GABRA2: variants seen among roughly 807,000 people sequenced by gnomAD.
GABRA2 encodes gamma-aminobutyric acid receptor subunit alpha-2.
GABRA2 carries 16 observed loss-of-function variants against 48.7 expected under a neutral mutation model. The ratio of observed to expected loss-of-function variants is 0.33; its 90% CI spans 0.22 to 0.50. The LOEUF is 0.50. Among genes scored for constraint, GABRA2 ranks in the 20% least tolerant of loss-of-function variants. The pLI, the probability that GABRA2 is intolerant of heterozygous loss-of-function variation, is 0.98. For synonymous variants in GABRA2, 185 were observed against 184.5 expected, an observed-to-expected ratio of 1.00 and a Z score of -0.02; for missense variants, 275 against 535.6, an observed-to-expected ratio of 0.51 and a Z score of 4.80.
rs1301665137 is a variant in GABRA2, at chr4:46,248,664, T to A, written c.*1644A>T. 1 of 151,476 alleles carries A rather than the reference T, an allele frequency of 6.6e-6. No homozygotes were observed. The highest frequency in any genetic ancestry group is 1.5e-5 in the Non-Finnish European group (1 of 67,628). The allele number at this position is 151,476 out of a possible 1,614,324, so 9.4% of individuals were successfully genotyped here. ...AAAGGAATAGCAATTTTTGCTGATA[T>A]TTTGCTTATTTCCATAGATACTCCT... On this transcript the variant is annotated 3_prime_UTR_variant, in exon 10 of 10. Transcript: ENST00000381620.
At position 46,250,348 on chromosome 4, in the gene GABRA2, G is replaced by A. The variant is rs1425089797; in HGVS notation, c.1316C>T (p.Thr439Ile). 6.2e-7 allele frequency: 1 copy of A among 1,611,110 alleles called. No individual in the cohort carries two copies. ...TAATACAGGTTCTCTGTTTAAATAT[G>A]TAGCCCAGTAAACTAAATTAAAGGT... ...FGTFNLVYWATYLNREPVLGV... is the reference protein window; with the variant it reads ...FGTFNLVYWAIYLNREPVLGV... Residue 439 changes from threonine (T) to isoleucine (I), a missense_variant, in exon 10 of 10, where the codon ACA becomes ATA. Physicochemically the swap from Thr to Ile is moderately conservative, Grantham distance 89 (BLOSUM62 -1). Around this residue, in one of 4 missense-constraint regions of GABRA2, gnomAD observed 99 missense variants for 124.3 expected, o/e 0.80. Coordinates refer to ENST00000381620, the MANE Select transcript of GABRA2 (RefSeq NM_000807.4).
chr4:46,280,539 A>G (rs1385949889), intron 8 of GABRA2, among the ~76,000 whole-genome samples: 2 of 152,174 alleles, frequency 1.3e-5, no homozygotes, highest in East Asian at 1.9e-4. Context: ...TGGAGAGCCA[A>G]TAAAGTTTGT....
intron 8 of GABRA2, among the ~76,000 whole-genome samples, chr4:46,297,928 G>A (rs2109586923): frequency 6.6e-6 from 1 of 152,028 alleles, no homozygotes; most frequent in South Asian, 2.1e-4. Context: ...TTGGTATGGT[G>A]TGTTTTCATT....
At chr4:46,279,504 AT>A (rs201192745) in intron 8 of GABRA2, among the ~76,000 whole-genome samples, 1 of 151,786 alleles carries the variant, frequency 6.6e-6, no homozygotes, top group African/African-American at 2.4e-5. Context: ...CTTTTTTTAA[AT>A]TTTTTTTATT....
chr4:46,332,727 G>T, intron 3 of GABRA2, 45 bp from the exon 4 acceptor site: 2 of 1,136,778 alleles, frequency 1.8e-6, no homozygotes, highest in Non-Finnish European at 2.6e-6. Flanking sequence ...TATAATAAGA[G>T]CCACAGGAGA....
chr4:46,280,008 A>G (rs931410856), intron 8 of GABRA2, among the ~76,000 whole-genome samples: 2 of 152,008 alleles, frequency 1.3e-5, no homozygotes, highest in Non-Finnish European at 2.9e-5. Context: ...TTTATTAGGT[A>G]CCTACTACAT....
chr4:46,325,498 A>C (rs1730200260), intron 4 of GABRA2, among the ~76,000 whole-genome samples: 1 of 151,958 alleles, frequency 6.6e-6, no homozygotes. Flanking sequence ...TGCATAGTTC[A>C]AAAATAATTT....
rs1237174982 is a variant in GABRA2 at position 46,247,180 on chromosome 4, T to C, written c.*3128A>G. On this transcript the variant is annotated 3_prime_UTR_variant, in exon 10 of 10. Coordinates refer to ENST00000381620, the MANE Select transcript of GABRA2 (RefSeq NM_000807.4). The stretch of plus-strand genomic sequence containing the variant: ...CTGAAAAGATTTCTAAACATTAAGA[T>C]TGGCACTTAATAAAATCATTAAAAT... Among the ~76,000 whole-genome samples, 2 of 151,156 alleles carry C rather than the reference T, an allele frequency of 1.3e-5. No homozygotes were observed. Among genetic ancestry groups the C allele is most frequent in the African/African-American group, 4.8e-5 (2 of 41,342 alleles).
At chr4:46,254,659 G>C (rs1352159916) in intron 9 of GABRA2, among the ~76,000 whole-genome samples, 1 of 151,482 alleles carries the variant, frequency 6.6e-6, no homozygotes, top group Non-Finnish European at 1.5e-5. Context: ...GGATCATGCA[G>C]GCAAACTGAC....
chr4:46,323,474 C>G (rs991879331), intron 4 of GABRA2, among the ~76,000 whole-genome samples: 2 of 151,916 alleles, frequency 1.3e-5, no homozygotes, highest in Non-Finnish European at 2.9e-5. Context: ...CCACATTAAT[C>G]CATAAATACT....
At chr4:46,283,617 C>G (rs1721951928) in intron 8 of GABRA2, among the ~76,000 whole-genome samples, 1 of 152,174 alleles carries the variant, frequency 6.6e-6, no homozygotes, top group Non-Finnish European at 1.5e-5. Flanking sequence ...TTGAATTACT[C>G]TAAAATTGAT....
intron 3 of GABRA2, among the ~76,000 whole-genome samples, chr4:46,361,767 G>A (rs544125851): frequency 6.6e-6 from 1 of 152,326 alleles, no homozygotes; most frequent in African/African-American, 2.4e-5. Flanking sequence ...CAAGGCCATG[G>A]GCCGAGCTGC....
At chr4:46,273,538 A>ATATATATAT (rs1560460626) in intron 8 of GABRA2, among the ~76,000 whole-genome samples, 50 of 22,110 alleles carry the variant, frequency 2.3e-3, no homozygotes, top group African/African-American at 9.7e-3. Context: ...TATATATATG[A>ATATATATAT]GAGAGAGAGG....
chr4:46,370,087 C>G (rs1283175944), intron 3 of GABRA2, among the ~76,000 whole-genome samples: 2 of 151,578 alleles, frequency 1.3e-5, no homozygotes, highest in Non-Finnish European at 2.9e-5. Flanking sequence ...AAAAAGTGAA[C>G]AGAAGTCACT....
chr4:46,306,649 G>A (rs138664428), intron 6 of GABRA2, among the ~76,000 whole-genome samples: 3 of 152,184 alleles, frequency 2.0e-5, no homozygotes, highest in Non-Finnish European at 2.9e-5. Context: ...TAGAGATGTC[G>A]TTACCCCTAG....
rs1471491810 is a variant in GABRA2 at position 46,328,280 on chromosome 4, GTGTGTGTGTGTGTGTGCGCACACGCA to G, written c.255+4309_255+4334del. On this transcript the variant is annotated intron_variant, in intron 4 of 9. Coordinates refer to ENST00000381620, the MANE Select transcript of GABRA2 (RefSeq NM_000807.4). Reference sequence around the variant, plus strand: ...GATTCCAAGATAGCAGAGTGTGTGTGTGTGTGTGTGTGTGTGCGCACACGCATGTGTGTGTGTGTTTGCATATTCTT... The same window carrying G: ...GATTCCAAGATAGCAGAGTGTGTGTGTGTGTGTGTGTGTTTGCATATTCTT... Among the ~76,000 whole-genome samples the G allele has an allele frequency of 1.3e-3, 162 of 120,310 alleles. 2 individuals are homozygous for G. The highest frequency in any genetic ancestry group is 4.9e-3 in the African/African-American group (159 of 32,714). 78.9% of individuals were successfully genotyped at this position (120,310 alleles called of 152,430 possible).
chr4:46,258,595 A>T (rs1439839981), intron 9 of GABRA2, among the ~76,000 whole-genome samples: 2 of 151,876 alleles, frequency 1.3e-5, no homozygotes, highest in Non-Finnish European at 2.9e-5. Flanking sequence ...ACAAGAACAG[A>T]TGCCAGGGAA....
chr4:46,332,508 C>T, intron 4 of GABRA2, 107 bp downstream of exon 4: 1 of 678,196 alleles, frequency 1.5e-6, no homozygotes, highest in East Asian at 2.6e-5. Context: ...ACTAAATAGA[C>T]ATGAGACATA....
At chr4:46,364,888 T>A (rs985588781) in intron 3 of GABRA2, 1 of 152,196 alleles carries the variant, frequency 6.6e-6, no homozygotes. Context: ...ATACAGGGCA[T>A]GTAAAACATG....
Sources: allele counts gnomAD v4.1 joint callset (sites outside exome capture counted in the v4.1 genomes callset), GRCh38; gene constraint gnomAD v4.1.1; regional missense constraint gnomAD v4.1.1; transcripts MANE v1.5; gene names NCBI Gene and HGNC (gene_info 2026-07-23, HGNC 2026-07-21).